The following PCDHGB2 variants were observed in gnomAD, a reference collection of about 807,000 sequenced individuals.
The protein encoded by PCDHGB2 is protocadherin gamma subfamily B, 2.
Under a neutral mutation model 59.3 loss-of-function variants are expected in PCDHGB2, and 55 were observed. That is an observed-to-expected ratio of 0.93 (90% confidence interval 0.75 to 1.16). PCDHGB2 has a LOEUF of 1.16. Ranked by LOEUF, PCDHGB2 falls within the 50% of genes most tolerant of loss-of-function variation. The pLI, the probability that PCDHGB2 is intolerant of heterozygous loss-of-function variation, is 0.00. For synonymous variants in PCDHGB2, 516 were observed against 512.0 expected (o/e 1.01, Z -0.11); for missense variants, 1,228 against 1,198.5 (o/e 1.02, Z -0.36).
At chr5:141,443,481 G>C (rs1025329476) in intron 1 of PCDHGB2, among the ~76,000 whole-genome samples, 3 of 152,114 alleles carry the variant, frequency 2.0e-5, no homozygotes, top group African/African-American at 7.2e-5. Context: ...ATTAGACCCT[G>C]TCCCAAAACA....
intron 1 of PCDHGB2, chr5:141,372,722 A>C: frequency 6.2e-7 from 1 of 1,613,930 alleles, no homozygotes; most frequent in Non-Finnish European, 8.5e-7. Context: ...AAAATGCTGC[A>C]CCACAAGATC....
At chr5:141,479,651 C>CAAA (rs931031810) in intron 1 of PCDHGB2, 2 of 152,124 alleles carry the variant, frequency 1.3e-5, no homozygotes, top group African/African-American at 2.4e-5. Flanking sequence ...ACAACAACAA[C>CAAA]AATCCCAGAA....
chr5:141,424,878 G>A (rs1455273258), intron 1 of PCDHGB2, among the ~76,000 whole-genome samples: 2 of 152,162 alleles, frequency 1.3e-5, no homozygotes, highest in African/African-American at 4.8e-5. Context: ...GAGGAAAGGA[G>A]ACTTATCTAG....
At chr5:141,424,945 C>A (rs2096849463) in intron 1 of PCDHGB2, among the ~76,000 whole-genome samples, 1 of 152,186 alleles carries the variant, frequency 6.6e-6, no homozygotes, top group Admixed American at 6.5e-5. Flanking sequence ...TCTCACATCA[C>A]TTCTAGGTAT....
At chr5:141,421,351 A>G in intron 1 of PCDHGB2, 2 of 1,613,988 alleles carry the variant, frequency 1.2e-6, no homozygotes, top group Non-Finnish European at 1.7e-6. Flanking sequence ...AGAGACCGAA[A>G]AGGGCTCCTT....
chr5:141,419,334 T>C (rs1260087339), intron 1 of PCDHGB2: 3 of 1,613,870 alleles, frequency 1.9e-6, no homozygotes, highest in Non-Finnish European at 8.5e-7. Flanking sequence ...TACTCTCTCA[T>C]TGCCAGCGAC....
At chr5:141,447,023 G>GT (rs5871773) in intron 1 of PCDHGB2, among the ~76,000 whole-genome samples, 28,105 of 151,474 alleles carry the variant, frequency 0.19, 2,731 homozygotes, top group African/African-American at 0.24. Context: ...GTTTTGTTTT[G>GT]TTTTTTTTCT....
chr5:141,419,140 G>C, intron 1 of PCDHGB2: 1 of 1,613,868 alleles, frequency 6.2e-7, no homozygotes, highest in Non-Finnish European at 8.5e-7. Flanking sequence ...CCACAGACAG[G>C]GGCAAGCCTC....
chr5:141,382,556 G>C (rs1286845940), intron 1 of PCDHGB2, among the ~76,000 whole-genome samples: 1 of 152,160 alleles, frequency 6.6e-6, no homozygotes, highest in Non-Finnish European at 1.5e-5. Flanking sequence ...GGGATATCTA[G>C]AGCAAAGAAA....
At chr5:141,411,250 T>C (rs1009574489) in intron 1 of PCDHGB2, 1 of 152,156 alleles carries the variant, frequency 6.6e-6, no homozygotes, top group African/African-American at 2.4e-5. Context: ...ATTTACGATA[T>C]CTTATTTATA....
rs751243167 is a variant in PCDHGB2, at chr5:141,361,306, A to G, written c.1171A>G (p.Lys391Glu). 2.5e-6 allele frequency: 4 copies of G among 1,613,858 alleles called. No homozygotes were observed. In the Admixed American group the frequency reaches 6.7e-5, roughly 27 times the overall value. ...EVYCQVLGNA[K>E]FILKSSSKNY... ...TTACTGCCAAGTGTTGGGAAATGCC[A>G]AGTTTATTTTGAAATCTTCCTCAAA... Residue 391 changes from lysine (K) to glutamate (E), a missense_variant, in exon 1 of 4, where the codon AAG becomes GAG. Lys to Glu is a moderately conservative substitution (Grantham distance 56). Coordinates refer to ENST00000522605, the MANE Select transcript of PCDHGB2 (RefSeq NM_018923.3).
At chr5:141,365,529 A>C (rs376283711) in intron 1 of PCDHGB2, 2 of 1,613,724 alleles carry the variant, frequency 1.2e-6, no homozygotes, top group Non-Finnish European at 1.7e-6. Context: ...TCAGTTGATA[A>C]TTACTATCAC....
chr5:141,365,229 A>G (rs1356332881), intron 1 of PCDHGB2: 2 of 1,613,824 alleles, frequency 1.2e-6, no homozygotes, highest in Non-Finnish European at 1.7e-6. Flanking sequence ...AACCTGGGGG[A>G]AATCTCAACT....
intron 1 of PCDHGB2, chr5:141,478,582 G>T: frequency 1.3e-6 from 2 of 1,579,988 alleles, no homozygotes; most frequent in Non-Finnish European, 1.7e-6. Context: ...CCCTGTTAGT[G>T]CTTTTTTATT....
Position 141,361,169 on chromosome 5 carries a change from C to G in PCDHGB2, c.1034C>G (p.Pro345Arg). 2 of 1,613,908 alleles carry G rather than the reference C, an allele frequency of 1.2e-6. No homozygotes were observed. Among genetic ancestry groups the G allele is most frequent in the Non-Finnish European group, 1.7e-6 (2 of 1,179,888 alleles). Residue 345 changes from proline to arginine, a missense_variant, in exon 1 of 4, where the codon CCT (proline) becomes CGT (arginine). Physicochemically the swap from Pro to Arg is moderately radical, Grantham distance 103 (BLOSUM62 -2). Transcript: ENST00000522605. Reference protein sequence around the residue: ...VEILDDNDCAPEVIVTSVSTP... With the variant: ...VEILDDNDCAREVIVTSVSTP... Reference sequence around the variant, plus strand: ...ATTCTTGATGACAACGATTGTGCACCTGAAGTTATTGTGACTTCAGTATCT... The same window carrying G: ...ATTCTTGATGACAACGATTGTGCACGTGAAGTTATTGTGACTTCAGTATCT...
Position 141,477,016 on chromosome 5 carries a change from A to G in PCDHGB2, c.2422-17791A>G, listed in dbSNP as rs2099403497. Reference sequence around the variant, plus strand: ...GGCAACTATTCGCCTTAGACCTTGTAACCGGGATGCTGACAATCAAGGGTC... The same window carrying G: ...GGCAACTATTCGCCTTAGACCTTGTGACCGGGATGCTGACAATCAAGGGTC... On this transcript the variant is annotated intron_variant, in intron 1 of 3. Transcript: ENST00000522605. The surrounding 1 kb of genome is among the most constrained non-coding windows in gnomAD (Gnocchi z 4.9). 4.3e-6 allele frequency: 7 copies of G among 1,614,130 alleles called. No homozygotes were observed. The highest frequency in any genetic ancestry group is 5.9e-6 in the Non-Finnish European group (7 of 1,180,050).
At chr5:141,381,947 A>G (rs957045552) in intron 1 of PCDHGB2, among the ~76,000 whole-genome samples, 2 of 146,392 alleles carry the variant, frequency 1.4e-5, no homozygotes, top group Non-Finnish European at 3.0e-5. Flanking sequence ...TTCCTGCCTC[A>G]GCCTCCTGAG....
chr5:141,400,387 C>T, intron 1 of PCDHGB2: 2 of 1,614,068 alleles, frequency 1.2e-6, no homozygotes, highest in Non-Finnish European at 1.7e-6. Context: ...ATGTGTTGCA[C>T]ATACAGGAAA....
intron 1 of PCDHGB2, chr5:141,403,391 G>C (rs1182066905): frequency 6.2e-7 from 1 of 1,614,046 alleles, no homozygotes; most frequent in East Asian, 2.2e-5. Flanking sequence ...CGAAATCGCG[G>C]TTCCTGGAGC....
Sources: gnomAD v4.1 joint callset for allele counts (sites outside exome capture counted in the v4.1 genomes callset) on GRCh38, gnomAD v4.1.1 for gene constraint, Gnocchi (gnomAD v3.1) non-coding constraint, MANE v1.5 for transcripts, NCBI Gene and HGNC (gene_info 2026-07-23, HGNC 2026-07-21) for gene names.